Variants in FOXP1 observed in about 807,000 individuals in gnomAD.
FOXP1 encodes the protein forkhead box protein P1.
FOXP1 carries 15 observed loss-of-function variants against 98.2 expected under a neutral mutation model. The ratio of observed to expected loss-of-function variants is 0.15; its 90% CI spans 0.10 to 0.24. FOXP1 has a LOEUF of 0.24. Ranked by LOEUF, FOXP1 falls within the 10% of genes least tolerant of loss-of-function variation. The pLI is 1.00. For missense variants in FOXP1, 633 were observed against 848.5 expected (o/e 0.75, Z 3.15); for synonymous variants, 371 against 314.5 (o/e 1.18, Z -1.90).
chr3:71,163,818 T>C (rs904221241), intron 6 of FOXP1, among the ~76,000 whole-genome samples: 1 of 151,670 alleles, frequency 6.6e-6, no homozygotes, highest in Non-Finnish European at 1.5e-5. Context: ...AGTCCCACAG[T>C]TTAGAGCGGT....
chr3:71,117,207 C>G (rs969400020), intron 6 of FOXP1, among the ~76,000 whole-genome samples: 20 of 152,288 alleles, frequency 1.3e-4, no homozygotes, highest in Admixed American at 5.2e-4. Context: ...CCCACCTCAG[C>G]CTCCTGAATA....
chr3:71,113,228 T>C (rs978122428), intron 6 of FOXP1, among the ~76,000 whole-genome samples: 1 of 152,158 alleles, frequency 6.6e-6, no homozygotes, highest in Non-Finnish European at 1.5e-5. Flanking sequence ...ATTTGGCAAA[T>C]CTGATCTCTA....
At chr3:71,523,569 T>A (rs1344969718) in intron 2 of FOXP1, among the ~76,000 whole-genome samples, 1 of 152,222 alleles carries the variant, frequency 6.6e-6, no homozygotes, top group East Asian at 1.9e-4. Context: ...TTTTTCTTCA[T>A]GAGTATTTTA....
chr3:71,435,968 A>AAAGGAGGGAAGGAGGG (rs143101027), intron 3 of FOXP1, among the ~76,000 whole-genome samples: 4 of 71,332 alleles, frequency 5.6e-5, no homozygotes, highest in African/African-American at 1.6e-4. Flanking sequence ...AGGGAGGAAA[A>AAAGGAGGGAAGGAGGG]AAGGAGGGAA....
At chr3:71,032,433 C>T (rs1191298733) in intron 11 of FOXP1, among the ~76,000 whole-genome samples, 5 of 152,218 alleles carry the variant, frequency 3.3e-5, no homozygotes, top group African/African-American at 1.2e-4. Context: ...TTTATTCACA[C>T]AGGCAGAAGT....
intron 2 of FOXP1, among the ~76,000 whole-genome samples, chr3:71,539,061 C>T (rs1438394002): frequency 2.7e-5 from 4 of 150,658 alleles, no homozygotes; most frequent in Non-Finnish European, 5.9e-5. Context: ...ACCATACTTT[C>T]TTGATTATTG....
intron 4 of FOXP1, among the ~76,000 whole-genome samples, chr3:71,355,666 C>T (rs1437352277): frequency 6.6e-6 from 1 of 152,172 alleles, no homozygotes; most frequent in East Asian, 1.9e-4. Context: ...GCCACTATCT[C>T]CACACAGTGA....
At chr3:71,421,217 C>T (rs925533796) in intron 3 of FOXP1, among the ~76,000 whole-genome samples, 1 of 152,016 alleles carries the variant, frequency 6.6e-6, no homozygotes, top group Non-Finnish European at 1.5e-5. Flanking sequence ...AGTAAGAATG[C>T]GCAAAGCAAG....
chr3:71,175,370 C>T (rs1000718586), intron 6 of FOXP1, among the ~76,000 whole-genome samples: 5 of 152,206 alleles, frequency 3.3e-5, no homozygotes, highest in Non-Finnish European at 7.3e-5. Context: ...TATGTGGCCA[C>T]GATGACACCT....
chr3:71,508,582 G>T (rs190843067), intron 2 of FOXP1, among the ~76,000 whole-genome samples: 1 of 152,304 alleles, frequency 6.6e-6, no homozygotes, highest in Admixed American at 6.5e-5. Flanking sequence ...TGAGGGCTCT[G>T]TAATATGAGT....
chr3:71,441,779 C>T (rs1355422834), intron 3 of FOXP1, among the ~76,000 whole-genome samples: 1 of 152,210 alleles, frequency 6.6e-6, no homozygotes, highest in African/African-American at 2.4e-5. Flanking sequence ...ATAGAGAACA[C>T]TGGCACTGGG....
rs552518027 is a variant in FOXP1, at chr3:71,142,984, G to A, written c.181-30347C>T. 8.9e-4 allele frequency among the ~76,000 whole-genome samples: 136 copies of A among 152,188 alleles called. 4 individuals are homozygous for A. The South Asian group carries it at 1.0e-2, about 11-fold the overall frequency. On this transcript the variant is annotated intron_variant, in intron 6 of 20. Coordinates refer to ENST00000649528, the MANE Select transcript of FOXP1 (RefSeq NM_001349338.3). ...AGAAAGGGCAGGGCAGGGCAGGGCA[G>A]GGCAGGGCTTGCATACTGGTCCCAC...
chr3:71,275,256 T>C (rs989110826), intron 5 of FOXP1, among the ~76,000 whole-genome samples: 1 of 152,208 alleles, frequency 6.6e-6, no homozygotes, highest in Non-Finnish European at 1.5e-5. Context: ...GTGATGTCCC[T>C]GGGTGTCCCT....
intron 7 of FOXP1, among the ~76,000 whole-genome samples, chr3:71,097,051 T>C (rs2056525570): frequency 6.6e-6 from 1 of 152,182 alleles, no homozygotes; most frequent in African/African-American, 2.4e-5. Context: ...TACACTGGGA[T>C]AAACAATTGC....
intron 12 of FOXP1, among the ~76,000 whole-genome samples, chr3:71,015,177 C>A (rs991872764): frequency 1.3e-5 from 2 of 150,196 alleles, no homozygotes; most frequent in Non-Finnish European, 3.0e-5. Context: ...ACAACAACAA[C>A]AACAACAACA....
chr3:71,065,798 G>C (rs867748613), intron 7 of FOXP1: 4 of 152,118 alleles, frequency 2.6e-5, no homozygotes, highest in Non-Finnish European at 1.5e-5. Flanking sequence ...ATTAGAAATA[G>C]TCACTGCTCT....
At chr3:71,286,050 T>A (rs1195578192) in intron 5 of FOXP1, among the ~76,000 whole-genome samples, 5 of 152,220 alleles carry the variant, frequency 3.3e-5, no homozygotes. Flanking sequence ...TATTTTTACT[T>A]ATATATTTTC....
At chr3:71,282,553 G>T (rs947442519) in intron 5 of FOXP1, among the ~76,000 whole-genome samples, 2 of 151,996 alleles carry the variant, frequency 1.3e-5, no homozygotes, top group Non-Finnish European at 1.5e-5. Context: ...TACCTGAAAA[G>T]AATTTAGTTA....
chr3:71,434,801 TG>T (rs1004339305), intron 3 of FOXP1, among the ~76,000 whole-genome samples: 1 of 152,112 alleles, frequency 6.6e-6, no homozygotes, highest in Non-Finnish European at 1.5e-5. Context: ...TTATTAATTC[TG>T]GGTAGTAAGA....
Sources: allele counts gnomAD v4.1 joint callset (sites outside exome capture counted in the v4.1 genomes callset), GRCh38; gene constraint gnomAD v4.1.1; transcripts MANE v1.5; gene names NCBI Gene and HGNC (gene_info 2026-07-23, HGNC 2026-07-21).